Variants in LYPLAL1 observed in about 807,000 individuals in gnomAD.
LYPLAL1 encodes lysophospholipase-like protein 1.
In LYPLAL1, 23 loss-of-function variants were observed where a neutral mutation model predicts 19.7. The ratio of observed to expected loss-of-function variants is 1.17; its 90% CI spans 0.84 to 1.65. LYPLAL1 has a LOEUF of 1.65. LYPLAL1 is among the 40% of genes most tolerant of loss of function. LYPLAL1 has a pLI of 0.00. For missense variants in LYPLAL1, 355 were observed against 279.4 expected (o/e 1.27, Z -1.93); for synonymous variants, 119 against 96.3 (o/e 1.24, Z -1.38).
At chr1:219,423,829 G>T in the LYPLAL1 span, among the ~76,000 whole-genome samples, 1 of 152,010 alleles carries the variant, frequency 6.6e-6, no homozygotes, top group African/African-American at 2.4e-5. Flanking sequence ...ATGGAAAATA[G>T]AAATATTTTC....
chr1:219,380,664 A>G, the LYPLAL1 span, among the ~76,000 whole-genome samples: 11,839 of 152,320 alleles, frequency 0.078, 512 homozygotes, highest in South Asian at 0.088. Flanking sequence ...TGAGCATTGC[A>G]CAATGGTCTG....
chr1:219,242,792 A>C, the LYPLAL1 span, among the ~76,000 whole-genome samples: 1 of 152,016 alleles, frequency 6.6e-6, no homozygotes, highest in African/African-American at 2.4e-5. Flanking sequence ...TATTTATAAG[A>C]TATTTGGAGA....
the LYPLAL1 span, among the ~76,000 whole-genome samples, chr1:219,333,509 A>G: frequency 6.6e-6 from 1 of 151,938 alleles, no homozygotes; most frequent in African/African-American, 2.4e-5. Context: ...CCCGATCTCA[A>G]ACTGGAAGGT....
chr1:219,277,738 A>C, the LYPLAL1 span, among the ~76,000 whole-genome samples: 4 of 152,300 alleles, frequency 2.6e-5, no homozygotes, highest in South Asian at 8.3e-4. Context: ...TAAATAATTG[A>C]CATATTTTTC....
chr1:219,205,922 C>G (rs929563580), intron 3 of LYPLAL1, among the ~76,000 whole-genome samples: 5 of 152,120 alleles, frequency 3.3e-5, no homozygotes. Flanking sequence ...GTTTATCCCA[C>G]AAGTTTTGTA....
chr1:219,174,947 G>C, intron 1 of LYPLAL1: 3 of 985,440 alleles, frequency 3.0e-6, no homozygotes, highest in Non-Finnish European at 3.6e-6. Flanking sequence ...AATGTGGTTA[G>C]GCATTATTAA....
At chr1:219,315,457 C>G in the LYPLAL1 span, among the ~76,000 whole-genome samples, 1 of 152,112 alleles carries the variant, frequency 6.6e-6, no homozygotes, top group Non-Finnish European at 1.5e-5. Flanking sequence ...GCTTCTTGCA[C>G]ATCAAATAGC....
At chr1:219,307,706 C>A in the LYPLAL1 span, among the ~76,000 whole-genome samples, 1 of 152,120 alleles carries the variant, frequency 6.6e-6, no homozygotes, top group East Asian at 1.9e-4. Context: ...GTGGGAGGGA[C>A]ACAATGGGAG....
the LYPLAL1 span, among the ~76,000 whole-genome samples, chr1:219,224,293 C>G: frequency 6.6e-6 from 1 of 152,154 alleles, no homozygotes; most frequent in Non-Finnish European, 1.5e-5. Context: ...CAATAAATCT[C>G]TAGGTAAGTC....
At chr1:219,395,638 G>A in the LYPLAL1 span, among the ~76,000 whole-genome samples, 11 of 152,000 alleles carry the variant, frequency 7.2e-5, no homozygotes, top group South Asian at 2.1e-4. Flanking sequence ...CCTATTTGTC[G>A]ATTTTTGCTT....
chr1:219,221,066 C>T, the LYPLAL1 span, among the ~76,000 whole-genome samples: 3 of 152,140 alleles, frequency 2.0e-5, no homozygotes, highest in Admixed American at 6.6e-5. Context: ...CAACTTTTTG[C>T]AGGAATCAAA....
chr1:219,209,825 C>G (rs1658857552), intron 3 of LYPLAL1, among the ~76,000 whole-genome samples: 1 of 152,168 alleles, frequency 6.6e-6, no homozygotes, highest in East Asian at 1.9e-4. Flanking sequence ...TCTCAAAGTT[C>G]CCCTGAACAG....
chr1:219,213,576 A>G (rs1316625635), downstream of LYPLAL1, among the ~76,000 whole-genome samples: 1 of 152,004 alleles, frequency 6.6e-6, no homozygotes, highest in Non-Finnish European at 1.5e-5. Flanking sequence ...ACTTATTTAG[A>G]TACTTGATTT....
intron 2 of LYPLAL1, among the ~76,000 whole-genome samples, chr1:219,183,691 A>G (rs1656479891): frequency 6.6e-6 from 1 of 151,944 alleles, no homozygotes; most frequent in African/African-American, 2.4e-5. Flanking sequence ...GAGTGACTTA[A>G]TGGAATCTTG....
the LYPLAL1 span, among the ~76,000 whole-genome samples, chr1:219,313,635 T>C: frequency 6.6e-6 from 1 of 152,010 alleles, no homozygotes; most frequent in African/African-American, 2.4e-5. Context: ...TCCGGGTTCA[T>C]GTGATTCTCC....
chr1:219,328,035 A>G, the LYPLAL1 span, among the ~76,000 whole-genome samples: 15 of 152,148 alleles, frequency 9.9e-5, no homozygotes, highest in Admixed American at 7.9e-4. Flanking sequence ...TATTTATCCT[A>G]TACTTCCTGC....
chr1:219,193,248 A>G lies in LYPLAL1; in HGVS notation c.358A>G (p.Ile120Val). 6.2e-7 allele frequency: 1 copy of G among 1,607,868 alleles called. No individual in the cohort carries two copies. The highest frequency in any genetic ancestry group is 8.5e-7 in the Non-Finnish European group (1 of 1,176,194). ...TGGCATCAAGAAGAACAGGATATTA[A>G]TAGGTAAGACCTTTAAATGTTGGTA... ...KSGIKKNRIL[I>V]GGFSMGGCMA... is the part of the protein sequence containing the mutation. Residue 120 changes from isoleucine (I) to valine (V), a missense_variant, in exon 3 of 5, where the codon ATA becomes GTA. Coordinates refer to ENST00000366928, the MANE Select transcript of LYPLAL1 (RefSeq NM_138794.5).
At chr1:219,358,973 T>A in the LYPLAL1 span, among the ~76,000 whole-genome samples, 2 of 152,012 alleles carry the variant, frequency 1.3e-5, no homozygotes, top group African/African-American at 2.4e-5. Context: ...AAGATGAGGA[T>A]TTTATTGATT....
At chr1:219,409,186 C>A in the LYPLAL1 span, among the ~76,000 whole-genome samples, 1 of 152,110 alleles carries the variant, frequency 6.6e-6, no homozygotes, top group African/African-American at 2.4e-5. Context: ...TAGTGGCTCA[C>A]GCCTGTAATC....
Sources: allele counts gnomAD v4.1 joint callset (sites outside exome capture counted in the v4.1 genomes callset), GRCh38; gene constraint gnomAD v4.1.1; transcripts MANE v1.5; gene names NCBI Gene and HGNC (gene_info 2026-07-23, HGNC 2026-07-21).